HYAL3: variants seen among roughly 807,000 people sequenced by gnomAD.
The protein encoded by HYAL3 is hyaluronidase-3.
Under a neutral mutation model 29.6 loss-of-function variants are expected in HYAL3, and 25 were observed. The ratio of observed to expected loss-of-function variants is 0.85; its 90% CI spans 0.62 to 1.18. HYAL3 has a LOEUF of 1.18. Among genes scored for constraint, HYAL3 ranks in the 50% most tolerant of loss-of-function variants. The pLI, the probability that HYAL3 is intolerant of heterozygous loss-of-function variation, is 0.00. For synonymous variants in HYAL3, 215 were observed against 218.3 expected, an observed-to-expected ratio of 0.99 and a Z score of 0.13; for missense variants, 442 against 548.4, an observed-to-expected ratio of 0.81 and a Z score of 1.94.
rs1553711916 is a variant in HYAL3, at chr3:50,299,267, TCTCA to T, written c.-76_-73del. 7 of 1,613,786 alleles carry T rather than the reference TCTCA, an allele frequency of 4.3e-6. No individual in the cohort carries two copies. The South Asian group carries it at 4.4e-5, about 10-fold the overall frequency. The stretch of plus-strand genomic sequence containing the variant: ...CGTCCTAGCTCCGCACAGCTGGGTA[TCTCA>T]CTCAGTCGCCACCTCGGACTCCTCG... On this transcript the variant is annotated 5_prime_UTR_variant, in exon 1 of 4. Transcript: ENST00000336307.
chr3:50,298,797 T>G, intron 1 of HYAL3: 1 of 1,111,932 alleles, frequency 9.0e-7, no homozygotes, highest in Non-Finnish European at 1.1e-6. Flanking sequence ...TCCCACACCA[T>G]TCACAGGGCT....
intron 1 of HYAL3, 115 bp downstream of exon 1, chr3:50,299,098 T>A: frequency 6.2e-7 from 1 of 1,607,346 alleles, no homozygotes; most frequent in Non-Finnish European, 8.5e-7. Flanking sequence ...TGGCTCGGCA[T>A]GGTCTGGAAA....
Position 50,297,360 on chromosome 3 carries a change from T to C in HYAL3, c.-17-1741A>G, listed in dbSNP as rs201566424. ...CAGGGTAAGCTCAGTTGGACCAGGA[T>C]TGAAGGTCATCTCTGGTTGGCATGT... On this transcript the variant is annotated intron_variant, in intron 1 of 3. Coordinates refer to ENST00000336307, the MANE Select transcript of HYAL3 (RefSeq NM_003549.4). This position sits in a 1 kb window ranked among gnomAD's most constrained non-coding sequence, Gnocchi z 4.3. 11 of 1,612,862 alleles carry C rather than the reference T, an allele frequency of 6.8e-6. No individual in the cohort carries two copies. The highest frequency in any genetic ancestry group is 2.2e-5 in the East Asian group (1 of 44,864).
rs1553710254 is a variant in HYAL3 at position 50,293,124 on chromosome 3, A to G, written c.*122T>C. 3.3e-6 allele frequency: 5 copies of G among 1,505,050 alleles called. No individual in the cohort carries two copies. The highest frequency in any genetic ancestry group is 4.6e-6 in the Non-Finnish European group (5 of 1,085,368). The allele number at this position is 1,505,050 out of a possible 1,614,324, so 93.2% of individuals were successfully genotyped here. A position where few individuals can be genotyped will look rare whatever the true frequency, so the allele number is the denominator to read the frequency against. On this transcript the variant is annotated 3_prime_UTR_variant, in exon 4 of 4. Transcript: ENST00000336307. ...TCTACCCCTCAGGGATTCCAAGGGA[A>G]GCGGGGTGTGTGCTTGGGAGGGTTG...
At chr3:50,293,849 G>T in intron 2 of HYAL3, 128 bp from the exon 3 acceptor site, 2 of 851,370 alleles carry the variant, frequency 2.3e-6, no homozygotes, top group Non-Finnish European at 3.8e-6. Context: ...GGACTCTCTA[G>T]TTTGGTTTGG....
chr3:50,295,415 T>C lies in HYAL3; in HGVS notation c.188A>G (p.Gln63Arg), dbSNP rs1701804408. The change falls in exon 2 of 4, where the codon CAG (glutamine) becomes CGG (arginine). Residue 63 changes from glutamine (Q) to arginine (R), a missense_variant. Coordinates refer to ENST00000336307, the MANE Select transcript of HYAL3 (RefSeq NM_003549.4). ...GGTCATGTTCTGACCGTGAAAATGC[T>C]GGCCACGGTTGGCTATGATGCCCAG... ...NALGIIANRG[Q>R]HFHGQNMTIF... is the part of the protein sequence containing the mutation. 1 of 1,614,208 alleles carries C rather than the reference T, an allele frequency of 6.2e-7. No individual in the cohort carries two copies. The highest frequency in any genetic ancestry group is 8.5e-7 in the Non-Finnish European group (1 of 1,180,024).
intron 1 of HYAL3, chr3:50,296,952 T>C (rs1553711313): frequency 2.5e-6 from 4 of 1,603,650 alleles, no homozygotes; most frequent in South Asian, 1.1e-5. Context: ...GAGATGCAGC[T>C]TGCGGAAGCC....
rs201186184 is a variant in HYAL3 at position 50,295,123 on chromosome 3, C to T, written c.480G>A (p.Leu160=). 3.8e-5 allele frequency: 62 copies of T among 1,613,598 alleles called. No homozygotes were observed. In the East Asian group the frequency reaches 1.4e-3, roughly 36 times the overall value. Residue 160 remains leucine, a synonymous_variant, in exon 2 of 4, where the codon CTG becomes CTA. Coordinates refer to ENST00000336307, the MANE Select transcript of HYAL3 (RefSeq NM_003549.4). ...CCTTGTAGAGCTGCTCCTGAGGGTC[C>T]AGGTCAGGGAATACCTGCTGTGCCC... is the stretch of plus-strand genomic sequence containing the variant. ...WAWAQQVFPD[L]DPQEQLYKAY... is the part of the protein sequence containing the mutation.
chr3:50,295,727 G>A, intron 1 of HYAL3, 108 bp from the exon 2 acceptor site: 1 of 947,704 alleles, frequency 1.1e-6, no homozygotes, highest in Non-Finnish European at 1.5e-6. Context: ...ATCCTTACAG[G>A]AGGAGCTGGG....
In HYAL3 at chr3:50,297,079, C is replaced by T; in HGVS notation, c.-17-1460G>A. 6 of 1,540,482 alleles carry T rather than the reference C, an allele frequency of 3.9e-6. No homozygotes were observed. The highest frequency in any genetic ancestry group is 1.3e-5 in the South Asian group (1 of 79,630). On this transcript the variant is annotated intron_variant, in intron 1 of 3. Transcript: ENST00000336307. The surrounding 1 kb of genome is among the most constrained non-coding windows in gnomAD (Gnocchi z 4.3). ...AAGAGGCTCTGGGGCTGGTTCAGCA[C>T]CCGTGACAGGCGGGCATGGCCCACC...
intron 1 of HYAL3, chr3:50,296,569 G>T: frequency 6.2e-7 from 1 of 1,604,012 alleles, no homozygotes; most frequent in Non-Finnish European, 8.5e-7. Context: ...GCAGTCTATT[G>T]AACCAGAAAG....
Position 50,293,347 on chromosome 3 carries a change from C to T in HYAL3, c.1153G>A (p.Gly385Ser), listed in dbSNP as rs782798046. ...AAGGACTTCCAATCTCCAAGGCTGC[C>T]GTCTGGCCACAGGTGTAGAAAGGCT... Reference protein sequence around the residue: ...MEAFLHLWPDGSLGDWKSFSC... With the variant: ...MEAFLHLWPDSSLGDWKSFSC... Residue 385 changes from glycine (G) to serine (S), a missense_variant, in exon 4 of 4, where the codon GGC becomes AGC. By Grantham distance (56) the Gly-to-Ser change is moderately conservative. Transcript: ENST00000336307. 5.5e-5 allele frequency: 89 copies of T among 1,613,302 alleles called. No homozygotes were observed. In the Middle Eastern group the frequency reaches 9.9e-4, roughly 18 times the overall value.
At chr3:50,296,842 G>A (rs1701867189) in intron 1 of HYAL3, 3 of 1,587,814 alleles carry the variant, frequency 1.9e-6, no homozygotes, top group East Asian at 2.2e-5. Flanking sequence ...GCATTAAGCA[G>A]GGTGGCAGGC....
chr3:50,295,159 G>T lies in HYAL3; in HGVS notation c.444C>A (p.Ala148=), dbSNP rs782028192. Reference sequence around the variant, plus strand: ...ATACCTGCTGTGCCCAAGCCCAAGAGGCTGCCTGATAAGCTCGGCGGCGGC... The same window carrying T: ...ATACCTGCTGTGCCCAAGCCCAAGATGCTGCCTGATAAGCTCGGCGGCGGC... ...NWGRRRAYQA[A]SWAWAQQVFP... The change falls in exon 2 of 4, where the codon GCC becomes GCA. Residue 148 remains alanine (A), a synonymous_variant. Coordinates refer to ENST00000336307, the MANE Select transcript of HYAL3 (RefSeq NM_003549.4). 8 of 1,613,566 alleles carry T rather than the reference G, an allele frequency of 5.0e-6. No homozygotes were observed. In the South Asian group the frequency reaches 8.8e-5, roughly 18 times the overall value.
Position 50,297,781 on chromosome 3 carries a change from T to A in HYAL3, c.-18+1432A>T. On this transcript the variant is annotated intron_variant, in intron 1 of 3. Transcript: ENST00000336307. This position sits in a 1 kb window ranked among gnomAD's most constrained non-coding sequence, Gnocchi z 4.3. ...CATGCATACTGGAACTGGGGAGTGG[T>A]GGGCTGCACTTTGTCCCACACTCAC... The A allele has an allele frequency of 2.4e-6, 3 of 1,237,336 alleles. No individual in the cohort carries two copies. The highest frequency in any genetic ancestry group is 3.0e-6 in the Non-Finnish European group (3 of 989,068). 76.6% of individuals were successfully genotyped at this position (1,237,336 alleles called of 1,614,324 possible).
intron 1 of HYAL3, chr3:50,296,397 A>G (rs1439841224): frequency 4.9e-6 from 3 of 613,206 alleles, no homozygotes; most frequent in Non-Finnish European, 8.6e-6. Context: ...AAACTGTCAC[A>G]GCCATACCCA....
In HYAL3 at chr3:50,293,614, CA is replaced by C; in HGVS notation, c.984+17del. ...CCCAGCATGTGCTACATGGCAGGCTCAAAGGGGCAATGATCACCTCAGAGCT... is the reference window on the plus strand; with the variant it reads ...CCCAGCATGTGCTACATGGCAGGCTCAAGGGGCAATGATCACCTCAGAGCT... On this transcript the variant is annotated intron_variant, in intron 3 of 3. Coordinates refer to ENST00000336307, the MANE Select transcript of HYAL3 (RefSeq NM_003549.4). 1 of 1,613,788 alleles carries C rather than the reference CA, an allele frequency of 6.2e-7. No homozygotes were observed. The highest frequency in any genetic ancestry group is 1.3e-5 in the African/African-American group (1 of 75,048).
rs782151358 is a variant in HYAL3, at chr3:50,297,127, T to G, written c.-17-1508A>C. 1.3e-6 allele frequency: 2 copies of G among 1,564,628 alleles called. No homozygotes were observed. Among genetic ancestry groups the G allele is most frequent in the Admixed American group, 1.8e-5 (1 of 54,660 alleles). ...ACCACAACGGGTGCTGCTTCAAGTG[T>G]GGGGTGGGGGCTTAGCAGCATCAGG... On this transcript the variant is annotated intron_variant, in intron 1 of 3. Coordinates refer to ENST00000336307, the MANE Select transcript of HYAL3 (RefSeq NM_003549.4). This position sits in a 1 kb window ranked among gnomAD's most constrained non-coding sequence, Gnocchi z 4.3.
chr3:50,299,048 G>C (rs1575507805), intron 1 of HYAL3, 165 bp downstream of exon 1: 2 of 1,572,276 alleles, frequency 1.3e-6, no homozygotes, highest in Non-Finnish European at 1.7e-6. Context: ...TGGAGCTTTT[G>C]GGAATGAGGA....
Sources: allele counts gnomAD v4.1 joint callset, GRCh38; gene constraint gnomAD v4.1.1; non-coding constraint Gnocchi (gnomAD v3.1); transcripts MANE v1.5; gene names NCBI Gene and HGNC (gene_info 2026-07-23, HGNC 2026-07-21).